The following KDM7A variants were observed in gnomAD, a reference collection of about 807,000 sequenced individuals.
The protein encoded by KDM7A is lysine-specific demethylase 7A.
Under a neutral mutation model 114.8 loss-of-function variants are expected in KDM7A, and 28 were observed. The ratio of observed to expected loss-of-function variants is 0.24; its 90% CI spans 0.18 to 0.33. KDM7A has a LOEUF of 0.33. Among genes scored for constraint, KDM7A ranks in the 10% least tolerant of loss-of-function variants. KDM7A has a pLI of 1.00. For missense variants in KDM7A, 942 were observed against 1,142.5 expected, an observed-to-expected ratio of 0.82 and a Z score of 2.53; for synonymous variants, 423 against 397.8, an observed-to-expected ratio of 1.06 and a Z score of -0.75.
At chr7:140,129,356 T>C in intron 4 of KDM7A, 137 bp downstream of exon 4, 1 of 697,674 alleles carries the variant, frequency 1.4e-6, no homozygotes, top group Non-Finnish European at 2.4e-6. Context: ...TAGTTTTCAA[T>C]ATAGATGATA....
chr7:140,125,742 T>C (rs1818690653), intron 6 of KDM7A, among the ~76,000 whole-genome samples: 1 of 151,048 alleles, frequency 6.6e-6, no homozygotes, highest in African/African-American at 2.4e-5. Context: ...AATTTTTTAA[T>C]TTTTACTTTT....
At chr7:140,100,687 T>TATATATATATAC (rs1562945948) in intron 12 of KDM7A, among the ~76,000 whole-genome samples, 1 of 40,926 alleles carries the variant, frequency 2.4e-5, no homozygotes, top group African/African-American at 1.3e-4. Context: ...TATACATATA[T>TATATATATATAC]ACATATATAT....
intron 1 of KDM7A, among the ~76,000 whole-genome samples, chr7:140,158,332 T>G (rs1343500405): frequency 5.7e-4 from 86 of 152,130 alleles, no homozygotes; most frequent in Non-Finnish European, 1.5e-4. Context: ...TACACAAGGA[T>G]AGTGATGAAG....
intron 1 of KDM7A, among the ~76,000 whole-genome samples, chr7:140,162,628 T>A (rs1362163751): frequency 6.6e-6 from 1 of 152,192 alleles, no homozygotes; most frequent in African/African-American, 2.4e-5. Flanking sequence ...TATTTCATTA[T>A]CAGTGTTCTT....
chr7:140,095,149 T>C (rs546337617), intron 17 of KDM7A, among the ~76,000 whole-genome samples: 8 of 152,308 alleles, frequency 5.3e-5, no homozygotes, highest in African/African-American at 1.9e-4. Context: ...CGCCCAGTGA[T>C]CTAGAATCAA....
At chr7:140,147,651 T>G (rs1794353076) in intron 1 of KDM7A, among the ~76,000 whole-genome samples, 1 of 152,022 alleles carries the variant, frequency 6.6e-6, no homozygotes, top group Non-Finnish European at 1.5e-5. Flanking sequence ...GGATGGGGAG[T>G]GGCCTTTGAG....
At chr7:140,173,579 T>C (rs946937816) in intron 1 of KDM7A, among the ~76,000 whole-genome samples, 4 of 152,128 alleles carry the variant, frequency 2.6e-5, no homozygotes, top group Non-Finnish European at 5.9e-5. Context: ...GAAATAAAGT[T>C]AACAAGAAAT....
At chr7:140,137,129 G>A (rs1818883774) in intron 2 of KDM7A, among the ~76,000 whole-genome samples, 1 of 152,156 alleles carries the variant, frequency 6.6e-6, no homozygotes, top group Admixed American at 6.5e-5. Context: ...ACAGATGACT[G>A]GATCTTGGGT....
rs1794715867 is a variant in KDM7A at position 140,176,764 on chromosome 7, G to A, written c.174C>T (p.Cys58=). The A allele has an allele frequency of 1.4e-6, 2 of 1,404,460 alleles. No individual in the cohort carries two copies. The highest frequency in any genetic ancestry group is 1.9e-6 in the Non-Finnish European group (2 of 1,055,522). 87.0% of individuals were successfully genotyped at this position (1,404,460 alleles called of 1,614,324 possible). ...TTTACCTGCCGTGGAACCAGTCCTT[G>A]CAGATATCGCACTCGATCATGAAGC... is the stretch of plus-strand genomic sequence containing the variant. ...VNRFMIECDI[C]KDWFHGSCVG... The change falls in exon 1 of 20, where the codon TGC becomes TGT. Residue 58 remains cysteine (C), a synonymous_variant. Transcript: ENST00000397560. The surrounding 1 kb of genome is among the most constrained non-coding windows in gnomAD (Gnocchi z 4.4).
chr7:140,115,012 C>T (rs992002308), intron 9 of KDM7A, among the ~76,000 whole-genome samples: 8 of 151,982 alleles, frequency 5.3e-5, no homozygotes, highest in African/African-American at 1.9e-4. Context: ...CGTCTCTGCC[C>T]GGCAGCCGCC....
At chr7:140,119,084 C>CAT (rs1562951378) in intron 9 of KDM7A, 29 bp downstream of exon 9, 1 of 1,312,820 alleles carries the variant, frequency 7.6e-7, no homozygotes. Flanking sequence ...TGCATCATAT[C>CAT]ATATACAAAC....
intron 11 of KDM7A, among the ~76,000 whole-genome samples, chr7:140,107,917 C>G (rs531659267): frequency 6.6e-6 from 1 of 152,226 alleles, no homozygotes; most frequent in Non-Finnish European, 1.5e-5. Flanking sequence ...ACCTATCAGA[C>G]GTACATTTGG....
In KDM7A at chr7:140,127,520, T is replaced by G; in HGVS notation, c.623A>C (p.His208Pro). Residue 208 changes from histidine (H) to proline (P), a missense_variant, in exon 5 of 20, where the codon CAC becomes CCC. Around this residue, in one of 4 missense-constraint regions of KDM7A, gnomAD observed 318 missense variants for 453.1 expected, o/e 0.70. Coordinates refer to ENST00000397560, the MANE Select transcript of KDM7A (RefSeq NM_030647.2). ...ARQADSKMTLHNYVKYFMNPN... is the reference protein window; with the variant it reads ...ARQADSKMTLPNYVKYFMNPN... Reference sequence around the variant, plus strand: ...ATTCATGAAGTATTTAACATAATTGTGAAGTGTCATTTTGCTGTCTGCCTG... The same window carrying G: ...ATTCATGAAGTATTTAACATAATTGGGAAGTGTCATTTTGCTGTCTGCCTG... 1 of 1,613,754 alleles carries G rather than the reference T, an allele frequency of 6.2e-7. No homozygotes were observed. Among genetic ancestry groups the G allele is most frequent in the Non-Finnish European group, 8.5e-7 (1 of 1,179,656 alleles).
intron 11 of KDM7A, among the ~76,000 whole-genome samples, chr7:140,110,301 T>C (rs1422813584): frequency 6.6e-6 from 1 of 152,238 alleles, no homozygotes; most frequent in Non-Finnish European, 1.5e-5. Flanking sequence ...ATATGACTTT[T>C]GATACTAAAT....
rs540463021 is a variant in KDM7A at position 140,105,602 on chromosome 7, G to A, written c.1429-3442C>T. Among the ~76,000 whole-genome samples the A allele has an allele frequency of 1.4e-4, 22 of 152,232 alleles. 1 individual carries two copies. In the South Asian group the frequency reaches 2.5e-3, roughly 17 times the overall value. On this transcript the variant is annotated intron_variant, in intron 11 of 19. Coordinates refer to ENST00000397560, the MANE Select transcript of KDM7A (RefSeq NM_030647.2). Reference sequence around the variant, plus strand: ...TGATGGATTACGTTTATTGATTTGCGTATGTTGAACCAGTCTTGCATCCCA... The same window carrying A: ...TGATGGATTACGTTTATTGATTTGCATATGTTGAACCAGTCTTGCATCCCA...
Position 140,089,105 on chromosome 7 carries a change from G to GGAA in KDM7A, c.*1986_*1988dup, listed in dbSNP as rs1817979295. 6.6e-6 allele frequency: 1 copy of GGAA among 152,108 alleles called. No homozygotes were observed. Among genetic ancestry groups the GGAA allele is most frequent in the Non-Finnish European group, 1.5e-5 (1 of 68,018 alleles). 9.4% of individuals were successfully genotyped at this position (152,108 alleles called of 1,614,324 possible). On this transcript the variant is annotated 3_prime_UTR_variant, in exon 20 of 20. Coordinates refer to ENST00000397560, the MANE Select transcript of KDM7A (RefSeq NM_030647.2). ...AAAAATCACAAGAATATACTGTGTG[G>GGAA]GAAGGTAGGGGAATCAGTCAAACCC... is the stretch of plus-strand genomic sequence containing the variant.
chr7:140,092,334 C>T (rs1045344084), intron 18 of KDM7A, among the ~76,000 whole-genome samples: 6 of 152,202 alleles, frequency 3.9e-5, no homozygotes, highest in African/African-American at 1.2e-4. Flanking sequence ...ACAGGCACCA[C>T]GCCCTACTTG....
chr7:140,115,040 G>A (rs893467377), intron 9 of KDM7A, among the ~76,000 whole-genome samples: 1 of 151,598 alleles, frequency 6.6e-6, no homozygotes, highest in Non-Finnish European at 1.5e-5. Flanking sequence ...GGAGGTTGGG[G>A]GCAGCCCCTG....
At chr7:140,156,868 A>G (rs150398913) in intron 1 of KDM7A, among the ~76,000 whole-genome samples, 6 of 152,326 alleles carry the variant, frequency 3.9e-5, no homozygotes, top group South Asian at 2.1e-4. Context: ...AGCCTGCTGC[A>G]TATGTACAAG....
Sources: gnomAD v4.1 joint callset for allele counts (sites outside exome capture counted in the v4.1 genomes callset) on GRCh38, gnomAD v4.1.1 for gene constraint, gnomAD v4.1.1 regional missense constraint, Gnocchi (gnomAD v3.1) non-coding constraint, MANE v1.5 for transcripts, NCBI Gene and HGNC (gene_info 2026-07-23, HGNC 2026-07-21) for gene names.